MYO1F: variants seen among roughly 807,000 people sequenced by gnomAD.
MYO1F encodes unconventional myosin-If.
Under a neutral mutation model 146.6 loss-of-function variants are expected in MYO1F, and 60 were observed. The ratio of observed to expected loss-of-function variants is 0.41; its 90% CI spans 0.33 to 0.51. MYO1F has a LOEUF of 0.51. Ranked by LOEUF, MYO1F falls within the 20% of genes least tolerant of loss-of-function variation. MYO1F has a pLI of 0.25. For missense variants in MYO1F, 1,274 were observed against 1,534.3 expected, an observed-to-expected ratio of 0.83 and a Z score of 2.83; for synonymous variants, 602 against 602.1, an observed-to-expected ratio of 1.00 and a Z score of 0.00.
chr19:8,558,864 G>T (rs1348676513), intron 1 of MYO1F, among the ~76,000 whole-genome samples: 1 of 152,038 alleles, frequency 6.6e-6, no homozygotes, highest in Non-Finnish European at 1.5e-5. Context: ...AGCAAACAAA[G>T]CTGGGAATTG....
intron 12 of MYO1F, 62 bp from the exon 13 acceptor site, chr19:8,545,798 C>T: frequency 2.6e-6 from 3 of 1,138,386 alleles, no homozygotes; most frequent in Non-Finnish European, 4.0e-6. Flanking sequence ...CCCTTCCCCC[C>T]ATGTCCTCTC....
chr19:8,547,933 G>T, intron 12 of MYO1F, 103 bp downstream of exon 12: 1 of 1,126,714 alleles, frequency 8.9e-7, no homozygotes, highest in Non-Finnish European at 1.3e-6. Context: ...TGGGAACGCG[G>T]TGGGGAGGGC....
chr19:8,532,812 C>T (rs1972535510), intron 19 of MYO1F, among the ~76,000 whole-genome samples: 1 of 151,398 alleles, frequency 6.6e-6, no homozygotes, highest in Non-Finnish European at 1.5e-5. Context: ...TCTTTGAGCC[C>T]AGGAGGTTGA....
chr19:8,550,482 C>T (rs1973557734), intron 9 of MYO1F, 80 bp downstream of exon 9: 1 of 1,612,168 alleles, frequency 6.2e-7, no homozygotes, highest in African/African-American at 1.3e-5. Flanking sequence ...GGGCTTTCAG[C>T]TTCCTGGGGG....
At chr19:8,540,763 A>C (rs1404965524) in intron 15 of MYO1F, among the ~76,000 whole-genome samples, 1 of 151,716 alleles carries the variant, frequency 6.6e-6, no homozygotes, top group African/African-American at 2.4e-5. Context: ...CAATTCTGTG[A>C]ATTTGCTAAA....
rs374913409 is a variant in MYO1F, at chr19:8,522,308, C to T, written c.3220+69G>A. ...AAATGCTGGGATTACAGGCGTGAGC[C>T]ACCGCGCCCGGCCGATGTCAGGGTT... On this transcript the variant is annotated intron_variant, in intron 27 of 27. Coordinates refer to ENST00000644032, the MANE Select transcript of MYO1F (RefSeq NM_012335.4). 60 of 1,601,194 alleles carry T rather than the reference C, an allele frequency of 3.7e-5. 1 individual carries two copies. The East Asian group carries it at 4.2e-4, about 11-fold the overall frequency.
At chr19:8,552,992 G>T in intron 6 of MYO1F, 147 bp downstream of exon 6, 1 of 782,824 alleles carries the variant, frequency 1.3e-6, no homozygotes, top group Non-Finnish European at 2.2e-6. Context: ...AGCAGGAAGT[G>T]AGTCTCCCCT....
chr19:8,542,027 A>T, intron 14 of MYO1F, 36 bp from the exon 15 acceptor site: 2 of 1,557,458 alleles, frequency 1.3e-6, no homozygotes, highest in Non-Finnish European at 1.8e-6. Context: ...TGAGGGACTG[A>T]GAAACCTGGC....
At chr19:8,566,553 G>A (rs894916846) in intron 1 of MYO1F, among the ~76,000 whole-genome samples, 16 of 149,960 alleles carry the variant, frequency 1.1e-4, no homozygotes, top group Admixed American at 9.3e-4. Flanking sequence ...TTGCTCTTTC[G>A]CCCTGGCTGG....
chr19:8,534,915 G>A (rs1972641953), intron 19 of MYO1F, among the ~76,000 whole-genome samples: 1 of 151,134 alleles, frequency 6.6e-6, no homozygotes, highest in South Asian at 2.1e-4. Flanking sequence ...GTGAGCCACT[G>A]CACCCAGCTT....
chr19:8,543,637 C>CGGTGGTGGTGGTGGTGCTGGT (rs1392513896), intron 14 of MYO1F, among the ~76,000 whole-genome samples: 2 of 136,288 alleles, frequency 1.5e-5, no homozygotes, highest in African/African-American at 5.8e-5. Context: ...CCAGGGAACA[C>CGGTGGTGGTGGTGGTGCTGGT]GGTGGTGGTG....
chr19:8,547,170 G>A (rs1445516211), intron 12 of MYO1F, among the ~76,000 whole-genome samples: 1 of 151,872 alleles, frequency 6.6e-6, no homozygotes, highest in Non-Finnish European at 1.5e-5. Flanking sequence ...GCATGATGGT[G>A]TGTGCCTGCG....
intron 14 of MYO1F, among the ~76,000 whole-genome samples, chr19:8,542,308 G>A (rs1973012345): frequency 7.0e-6 from 1 of 143,424 alleles, no homozygotes; most frequent in Non-Finnish European, 1.5e-5. Context: ...GAGGCCGGGG[G>A]GCGGTGAAAG....
At chr19:8,574,281 G>A (rs562375978) in intron 1 of MYO1F, among the ~76,000 whole-genome samples, 22 of 152,184 alleles carry the variant, frequency 1.4e-4, no homozygotes, top group South Asian at 1.0e-3. Context: ...ATGACCACTC[G>A]CAGCAACTCC....
chr19:8,527,267 G>T, intron 22 of MYO1F, 71 bp downstream of exon 22: 1 of 1,599,120 alleles, frequency 6.3e-7, no homozygotes, highest in Non-Finnish European at 8.6e-7. Context: ...GTAACAGACG[G>T]GGTCACTAGA....
intron 1 of MYO1F, among the ~76,000 whole-genome samples, chr19:8,560,979 T>C (rs1160536000): frequency 3.3e-5 from 5 of 151,620 alleles, no homozygotes; most frequent in Non-Finnish European, 7.4e-5. Context: ...CCTTGTGATC[T>C]GCCCGCCTCG....
At chr19:8,552,406 C>G (rs559757515) in intron 6 of MYO1F, among the ~76,000 whole-genome samples, 1 of 152,110 alleles carries the variant, frequency 6.6e-6, no homozygotes, top group East Asian at 1.9e-4. Context: ...CTACAGGCAC[C>G]CGCCACCATG....
intron 1 of MYO1F, 64 bp from the exon 2 acceptor site, chr19:8,555,860 C>T (rs1490835480): frequency 2.4e-5 from 36 of 1,509,482 alleles, no homozygotes; most frequent in South Asian, 9.5e-5. Flanking sequence ...GGCTCACCGA[C>T]GCTATCAGCT....
At chr19:8,576,095 CAA>C (rs1401494087) in intron 1 of MYO1F, among the ~76,000 whole-genome samples, 2 of 152,218 alleles carry the variant, frequency 1.3e-5, no homozygotes, top group African/African-American at 2.4e-5. Flanking sequence ...CTCCTGGGTT[CAA>C]GTTATTCTCT....
Sources: gnomAD v4.1 joint callset for allele counts (sites outside exome capture counted in the v4.1 genomes callset) on GRCh38, gnomAD v4.1.1 for gene constraint, MANE v1.5 for transcripts, NCBI Gene and HGNC (gene_info 2026-07-23, HGNC 2026-07-21) for gene names.